Variants in BRAF observed in about 807,000 individuals in gnomAD.
BRAF encodes B-Raf proto-oncogene, serine/threonine kinase.
A neutral mutation model predicts 104.6 loss-of-function variants in BRAF; 16 were observed. The ratio of observed to expected loss-of-function variants is 0.15; its 90% CI spans 0.10 to 0.23. BRAF has a LOEUF of 0.23. Ranked by LOEUF, BRAF falls within the 10% of genes least tolerant of loss-of-function variation. BRAF has a pLI of 1.00. For missense variants in BRAF, 541 were observed against 937.3 expected (o/e 0.58, Z 5.52); for synonymous variants, 310 against 341.6 (o/e 0.91, Z 1.02).
Position 140,781,270 on chromosome 7 carries a change from T to C in BRAF, c.1552+306A>G, listed in dbSNP as rs1275482060. Reference sequence around the variant, plus strand: ...TAATATGTTTACTTGTGACTTATAATACAAATAAAATTATCAGCTGAAAGA... The same window carrying C: ...TAATATGTTTACTTGTGACTTATAACACAAATAAAATTATCAGCTGAAAGA... On this transcript the variant is annotated intron_variant, in intron 12 of 19. Transcript: ENST00000644969. 2 of 378,338 alleles carry C rather than the reference T, an allele frequency of 5.3e-6. No individual in the cohort carries two copies. The highest frequency in any genetic ancestry group is 5.0e-6 in the Non-Finnish European group (1 of 201,484). The allele number at this position is 378,338 out of a possible 1,614,324, so 23.4% of individuals were successfully genotyped here.
chr7:140,887,353 A>G (rs759636945), intron 1 of BRAF, among the ~76,000 whole-genome samples: 16 of 152,196 alleles, frequency 1.1e-4, no homozygotes, highest in Non-Finnish European at 1.5e-4. Context: ...ATTTTAACTT[A>G]AAACTGTAAA....
At chr7:140,877,301 G>T (rs1320883096) in intron 1 of BRAF, among the ~76,000 whole-genome samples, 2 of 105,246 alleles carry the variant, frequency 1.9e-5, no homozygotes, top group East Asian at 3.5e-4. Context: ...GATGGGGGGG[G>T]GGGTGGGTCT....
intron 1 of BRAF, among the ~76,000 whole-genome samples, chr7:140,900,135 C>T (rs185190312): frequency 6.6e-6 from 1 of 152,358 alleles, no homozygotes; most frequent in African/African-American, 2.4e-5. Context: ...TTATTTCAAA[C>T]TGCTAAGTCT....
intron 19 of BRAF, chr7:140,730,675 A>G (rs1375233417): frequency 6.6e-6 from 1 of 151,242 alleles, no homozygotes; most frequent in African/African-American, 2.4e-5. Context: ...TGCATTTTCA[A>G]GTTAACTTTA....
chr7:140,829,788 G>A (rs764721494), intron 3 of BRAF, among the ~76,000 whole-genome samples: 2 of 152,030 alleles, frequency 1.3e-5, no homozygotes, highest in Non-Finnish European at 2.9e-5. Context: ...CTCTGTTTTT[G>A]TTTTCCTGTT....
chr7:140,862,801 T>A (rs1230564785), intron 1 of BRAF, among the ~76,000 whole-genome samples: 1 of 152,158 alleles, frequency 6.6e-6, no homozygotes, highest in East Asian at 1.9e-4. Flanking sequence ...TGTACTGCGG[T>A]GATGGCTATA....
intron 3 of BRAF, among the ~76,000 whole-genome samples, chr7:140,831,647 TC>T (rs1806761872): frequency 6.6e-6 from 1 of 152,200 alleles, no homozygotes; most frequent in Non-Finnish European, 1.5e-5. Flanking sequence ...TACTGGGGAC[TC>T]AGGACTCAGC....
downstream of BRAF, among the ~76,000 whole-genome samples, chr7:140,714,371 T>C (rs1050479592): frequency 6.6e-6 from 1 of 152,192 alleles, no homozygotes; most frequent in Non-Finnish European, 1.5e-5. Flanking sequence ...TCTGTATCTA[T>C]GTATCTATTT....
At chr7:140,764,995 A>C (rs1265243340) in intron 14 of BRAF, among the ~76,000 whole-genome samples, 1 of 152,202 alleles carries the variant, frequency 6.6e-6, no homozygotes, top group Non-Finnish European at 1.5e-5. Context: ...CACCAAGGCA[A>C]TCCTAAGCCA....
chr7:140,801,600 AG>A, intron 5 of BRAF, 40 bp from the exon 6 acceptor site: 1 of 1,596,448 alleles, frequency 6.3e-7, no homozygotes, highest in Non-Finnish European at 8.5e-7. Context: ...AAAACTCACA[AG>A]AAAACTTTCT....
chr7:140,726,954 A>G (rs1211887677), intron 19 of BRAF, among the ~76,000 whole-genome samples: 1 of 152,240 alleles, frequency 6.6e-6, no homozygotes, highest in Non-Finnish European at 1.5e-5. Context: ...TTTGCTAAAG[A>G]TACAATTAAG....
At chr7:140,796,453 A>C (rs192100952) in intron 7 of BRAF, among the ~76,000 whole-genome samples, 1 of 152,344 alleles carries the variant, frequency 6.6e-6, no homozygotes, top group Non-Finnish European at 1.5e-5. Flanking sequence ...AGATGGCAGT[A>C]AGTCACTTCT....
Position 140,730,646 on chromosome 7 carries a change from G to A in BRAF, c.2401+3971C>T, listed in dbSNP as rs1795888063. Reference sequence around the variant, plus strand: ...CCCAAAGTGCTGGGATTACAGGTGTGAGCCACCACAACCGGCCATGCATTT... The same window carrying A: ...CCCAAAGTGCTGGGATTACAGGTGTAAGCCACCACAACCGGCCATGCATTT... On this transcript the variant is annotated intron_variant, in intron 19 of 19. Transcript: ENST00000644969. 1 of 151,430 alleles carries A rather than the reference G, an allele frequency of 6.6e-6. No homozygotes were observed. The highest frequency in any genetic ancestry group is 2.0e-4 in the East Asian group (1 of 5,116). The allele number at this position is 151,430 out of a possible 1,614,324, so 9.4% of individuals were successfully genotyped here. A position where few individuals can be genotyped will look rare whatever the true frequency, so the allele number is the denominator to read the frequency against.
chr7:140,721,050 G>C lies in BRAF; in HGVS notation c.*5444C>G, dbSNP rs1795299106. 9.4e-7 allele frequency: 1 copy of C among 1,063,894 alleles called. No homozygotes were observed. The highest frequency in any genetic ancestry group is 5.3e-5 in the Admixed American group (1 of 18,696). The allele number at this position is 1,063,894 out of a possible 1,614,324, so 65.9% of individuals were successfully genotyped here. A position where few individuals can be genotyped will look rare whatever the true frequency, so the allele number is the denominator to read the frequency against. ...AATAAACATATTTTAGTTGTTTTCA[G>C]AGCACTTCTATCTACAGAATTCTTT... On this transcript the variant is annotated 3_prime_UTR_variant, in exon 20 of 20. Transcript: ENST00000644969.
chr7:140,787,476 T>G lies in BRAF; in HGVS notation c.1177+72A>C, dbSNP rs1181811352. ...GTGTCTGTTACTTGAAAGAGGCAAGTATAAAGGAAATAAGCAGCAAAGCAA... is the reference window on the plus strand; with the variant it reads ...GTGTCTGTTACTTGAAAGAGGCAAGGATAAAGGAAATAAGCAGCAAAGCAA... On this transcript the variant is annotated intron_variant, in intron 9 of 19. Coordinates refer to ENST00000644969, the MANE Select transcript of BRAF (RefSeq NM_001374258.1). 176 of 1,464,634 alleles carry G rather than the reference T, an allele frequency of 1.2e-4. 1 individual carries two copies. The highest frequency in any genetic ancestry group is 7.6e-6 in the Non-Finnish European group (8 of 1,045,950). 90.7% of individuals were successfully genotyped at this position (1,464,634 alleles called of 1,614,324 possible).
At chr7:140,713,883 T>C in the BRAF span, among the ~76,000 whole-genome samples, 57 of 152,314 alleles carry the variant, frequency 3.7e-4, no homozygotes, top group Non-Finnish European at 1.8e-4. Flanking sequence ...CTCCAGACCC[T>C]GTTTGCCTGG....
At chr7:140,886,979 C>T (rs1813638903) in intron 1 of BRAF, among the ~76,000 whole-genome samples, 1 of 152,070 alleles carries the variant, frequency 6.6e-6, no homozygotes, top group Non-Finnish European at 1.5e-5. Flanking sequence ...CAGGGAATCC[C>T]ATTAAAAGCA....
chr7:140,822,330 G>A (rs979897352), intron 3 of BRAF: 1 of 152,058 alleles, frequency 6.6e-6, no homozygotes, highest in Non-Finnish European at 1.5e-5. Flanking sequence ...TACACAATTT[G>A]ATACATTTTG....
chr7:140,896,114 T>C (rs1458729871), intron 1 of BRAF, among the ~76,000 whole-genome samples: 2 of 152,138 alleles, frequency 1.3e-5, no homozygotes, highest in Non-Finnish European at 2.9e-5. Flanking sequence ...TACCTCACTG[T>C]GGTTTTGATT....
Sources: allele counts gnomAD v4.1 joint callset (sites outside exome capture counted in the v4.1 genomes callset), GRCh38; gene constraint gnomAD v4.1.1; transcripts MANE v1.5; gene names NCBI Gene and HGNC (gene_info 2026-07-23, HGNC 2026-07-21).